CPNE1: variants seen among roughly 807,000 people sequenced by gnomAD.
CPNE1 encodes the protein copine-1.
CPNE1 carries 58 observed loss-of-function variants against 63.2 expected under a neutral mutation model. The ratio of observed to expected loss-of-function variants is 0.92; its 90% CI spans 0.74 to 1.14. The LOEUF (loss-of-function observed/expected upper bound fraction) is 1.14. CPNE1 is among the 50% of genes most tolerant of loss of function. CPNE1 has a pLI of 0.00. For missense variants in CPNE1, 672 were observed against 661.7 expected (o/e 1.02, Z -0.17); for synonymous variants, 237 against 249.0 (o/e 0.95, Z 0.45).
rs201000787 is a variant in CPNE1 at position 35,632,705 on chromosome 20, A to G, written c.130-9T>C. 2.4e-5 allele frequency: 22 copies of G among 927,898 alleles called. No homozygotes were observed. The Admixed American group carries it at 3.0e-4, about 13-fold the overall frequency. 57.5% of individuals were successfully genotyped at this position (927,898 alleles called of 1,614,324 possible). ...CGTTCAGTCCGGCCAAGCTGTGGGCAGAGGCCAGTAAGCATCACAGTCACA... is the reference window on the plus strand; with the variant it reads ...CGTTCAGTCCGGCCAAGCTGTGGGCGGAGGCCAGTAAGCATCACAGTCACA... On this transcript the variant is annotated splice_polypyrimidine_tract_variant and intron_variant, in intron 2 of 15. Transcript: ENST00000397443.
At position 35,664,764 on chromosome 20, in the gene CPNE1, G is replaced by A. The variant is rs1168315267; in HGVS notation, c.-5C>T. On this transcript the variant is annotated 5_prime_UTR_variant, in exon 1 of 16. Coordinates refer to ENST00000397443, the MANE Select transcript of CPNE1 (RefSeq NM_152925.3). ...CAGGGGCTGCGGGAGTCTTACCGGGGAAAGCTGCGCGGCACCAGAACCCAG... is the reference window on the plus strand; with the variant it reads ...CAGGGGCTGCGGGAGTCTTACCGGGAAAAGCTGCGCGGCACCAGAACCCAG... 6.6e-6 allele frequency: 1 copy of A among 152,358 alleles called. No homozygotes were observed. The highest frequency in any genetic ancestry group is 1.5e-5 in the Non-Finnish European group (1 of 68,130). The allele number at this position is 152,358 out of a possible 1,614,324, so 9.4% of individuals were successfully genotyped here. A position where few individuals can be genotyped will look rare whatever the true frequency, so the allele number is the denominator to read the frequency against.
At position 35,655,674 on chromosome 20, in the gene CPNE1, C is replaced by G. The variant is rs149894776; in HGVS notation, c.-1+9086G>C. Among the ~76,000 whole-genome samples the G allele has an allele frequency of 3.0e-3, 459 of 152,156 alleles. 2 individuals carry two copies. Among genetic ancestry groups the G allele is most frequent in the African/African-American group, 0.011 (440 of 41,476 alleles). Reference sequence around the variant, plus strand: ...ATTCAGTAAGATTTAAAAGAAATGTCTAAGTCAAATCAGGAAACAAAGTTT... The same window carrying G: ...ATTCAGTAAGATTTAAAAGAAATGTGTAAGTCAAATCAGGAAACAAAGTTT... On this transcript the variant is annotated intron_variant, in intron 1 of 15. Coordinates refer to ENST00000397443, the MANE Select transcript of CPNE1 (RefSeq NM_152925.3).
In CPNE1 at chr20:35,626,374, C is replaced by T. The variant is rs754189553; in HGVS notation, c.1481G>A (p.Arg494Gln). The change falls in exon 16 of 16, where the codon CGG (arginine) becomes CAG (glutamine). Residue 494 changes from arginine (R) to glutamine (Q), a missense_variant. By Grantham distance (43) the Arg-to-Gln change is conservative. Coordinates refer to ENST00000397443, the MANE Select transcript of CPNE1 (RefSeq NM_152925.3). Reference sequence around the variant, plus strand: ...GAGCACGGTCTGTGCCAATGCCTCCCGAGGGGCCTGCCAAGAAAAGGGAAA... The same window carrying T: ...GAGCACGGTCTGTGCCAATGCCTCCTGAGGGGCCTGCCAAGAAAAGGGAAA... ...VPYRRFQNAP[R>Q]EALAQTVLAE... The T allele has an allele frequency of 1.2e-5, 19 of 1,613,734 alleles. No homozygotes were observed. The highest frequency in any genetic ancestry group is 3.3e-5 in the South Asian group (3 of 91,066).
intron 1 of CPNE1, chr20:35,652,883 T>C: frequency 2.5e-6 from 4 of 1,613,404 alleles, no homozygotes; most frequent in Non-Finnish European, 3.4e-6. Context: ...CCAGGGGCAC[T>C]TCCAAGACCA....
intron 1 of CPNE1, chr20:35,653,929 C>T: frequency 6.2e-7 from 1 of 1,614,122 alleles, no homozygotes; most frequent in Non-Finnish European, 8.5e-7. Context: ...CCCATTGGGT[C>T]CATAAGCTAT....
intron 3 of CPNE1, 22 bp downstream of exon 3, chr20:35,632,495 C>A (rs2032220695): frequency 6.2e-7 from 1 of 1,612,624 alleles, no homozygotes; most frequent in Non-Finnish European, 8.5e-7. Context: ...TCTGAAGGAT[C>A]CTAATCCCCA....
chr20:35,631,756 G>A lies in CPNE1; in HGVS notation c.559C>T (p.Pro187Ser). The A allele has an allele frequency of 6.2e-7, 1 of 1,613,994 alleles. No individual in the cohort carries two copies. The highest frequency in any genetic ancestry group is 8.5e-7 in the Non-Finnish European group (1 of 1,179,988). The change falls in exon 7 of 16, where the codon CCT becomes TCT. Residue 187 changes from proline to serine, a missense_variant. Pro to Ser is a moderately conservative substitution (Grantham distance 74). Transcript: ENST00000397443. ...RSEVIKNNLN[P>S]TWKRFSVPVQ... ...GGGACTGAGAAACGCTTCCATGTAG[G>A]GTTCAGGTTGTTCTTGATGACCTGA...
In CPNE1 at chr20:35,627,270, C is replaced by T. The variant is rs771120968; in HGVS notation, c.1236+10G>A. ...TTGCCACCACTGCCACTGCCACCCA[C>T]GACTCTCACCGAGGCAGTCCCCTGA... On this transcript the variant is annotated intron_variant, in intron 14 of 15. Coordinates refer to ENST00000397443, the MANE Select transcript of CPNE1 (RefSeq NM_152925.3). The T allele has an allele frequency of 3.1e-5, 50 of 1,611,014 alleles. No individual in the cohort carries two copies. Among genetic ancestry groups the T allele is most frequent in the South Asian group, 2.8e-4 (25 of 90,830 alleles).
At position 35,626,854 on chromosome 20, in the gene CPNE1, T is replaced by A. The variant is rs749922880; in HGVS notation, c.1237-51A>T. 11 of 1,426,456 alleles carry A rather than the reference T, an allele frequency of 7.7e-6. No individual in the cohort carries two copies. The South Asian group carries it at 1.3e-4, about 16-fold the overall frequency. 88.4% of individuals were successfully genotyped at this position (1,426,456 alleles called of 1,614,324 possible). On this transcript the variant is annotated intron_variant, in intron 14 of 15. Transcript: ENST00000397443. Reference sequence around the variant, plus strand: ...GAAGCAGATCCTCCTCCTAAACCCCTGCAAACACCCCAGCCACACATCCCC... The same window carrying A: ...GAAGCAGATCCTCCTCCTAAACCCCAGCAAACACCCCAGCCACACATCCCC...
At chr20:35,658,802 A>AACACACACACACACAC (rs10542710) in intron 1 of CPNE1, 5 of 473,466 alleles carry the variant, frequency 1.1e-5, no homozygotes, top group African/African-American at 6.4e-5. Context: ...AGCAAACAAA[A>AACACACACACACACAC]ACACACACAC....
intron 1 of CPNE1, among the ~76,000 whole-genome samples, chr20:35,639,682 GGTT>G (rs1187257708): frequency 6.6e-6 from 1 of 152,188 alleles, no homozygotes; most frequent in Non-Finnish European, 1.5e-5. Context: ...CCTGGTAAGA[GGTT>G]GTTGTGAATG....
chr20:35,659,135 T>C (rs2034082697), intron 1 of CPNE1: 3 of 316,022 alleles, frequency 9.5e-6, no homozygotes, highest in African/African-American at 5.7e-5. Context: ...TTAGAATGCA[T>C]ATCAAAAAAA....
At position 35,626,577 on chromosome 20, in the gene CPNE1, C is replaced by T. The variant is rs759648669; in HGVS notation, c.1463G>A (p.Arg488Gln). ...RDIVQFVPYR[R>Q]FQNAPREALA... ...TTTGCACCTACTCACATTCTGGAAC[C>T]GGCGGTAGGGTACAAACTGCACAAT... Residue 488 changes from arginine (R) to glutamine (Q), a missense_variant, in exon 15 of 16, where the codon CGG (arginine) becomes CAG (glutamine). By Grantham distance (43) the Arg-to-Gln change is conservative (BLOSUM62 1). Transcript: ENST00000397443. 19 of 1,613,858 alleles carry T rather than the reference C, an allele frequency of 1.2e-5. 1 individual carries two copies. Among genetic ancestry groups the T allele is most frequent in the Middle Eastern group, 1.6e-4 (1 of 6,084 alleles).
chr20:35,664,129 G>A (rs1244267852), intron 1 of CPNE1, among the ~76,000 whole-genome samples: 2 of 151,958 alleles, frequency 1.3e-5, no homozygotes, highest in Admixed American at 1.3e-4. Flanking sequence ...ACACCCTCGA[G>A]TAAAGCCCCT....
At position 35,632,813 on chromosome 20, in the gene CPNE1, T is replaced by C. The variant is rs776636498; in HGVS notation, c.111A>G (p.Gly37=). 1.1e-6 allele frequency: 1 copy of C among 872,326 alleles called. No individual in the cohort carries two copies. Among genetic ancestry groups the C allele is most frequent in the South Asian group, 1.3e-5 (1 of 76,466 alleles). 54.0% of individuals were successfully genotyped at this position (872,326 alleles called of 1,614,324 possible). A position where few individuals can be genotyped will look rare whatever the true frequency, so the allele number is the denominator to read the frequency against. ...GCCTCACCTCAGCCCAGCTGCCCCC[T>C]CCCACATCCTGTAAAAGGACGCAGA... The part of the protein sequence containing the change: ...DPLCVLLQDV[G]GGSWAELGRT... Residue 37 remains glycine, a synonymous_variant, in exon 2 of 16, where the codon GGA becomes GGG. Transcript: ENST00000397443.
intron 1 of CPNE1, among the ~76,000 whole-genome samples, chr20:35,638,218 C>T (rs1252767791): frequency 6.6e-6 from 1 of 152,194 alleles, no homozygotes; most frequent in Non-Finnish European, 1.5e-5. Context: ...GCTCAAGTCA[C>T]ACTTCAGGCC....
Position 35,631,297 on chromosome 20 carries a change from A to G in CPNE1, c.772T>C (p.Ser258Pro). Residue 258 changes from serine to proline, a missense_variant, in exon 9 of 16, where the codon TCT (serine) becomes CCT (proline). Physicochemically the swap from Ser to Pro is moderately conservative, Grantham distance 74. Coordinates refer to ENST00000397443, the MANE Select transcript of CPNE1 (RefSeq NM_152925.3). Reference protein sequence around the residue: ...KQQKKKSYKNSGTIRVKICRV... With the variant: ...KQQKKKSYKNPGTIRVKICRV... ...CAAATCTTGACACGGATAGTTCCAG[A>G]GTTCTTGTAGCTTTTCTTTTTCTGC... 6.2e-7 allele frequency: 1 copy of G among 1,614,130 alleles called. No individual in the cohort carries two copies.
chr20:35,642,312 G>A (rs2032856757), intron 1 of CPNE1, among the ~76,000 whole-genome samples: 1 of 152,158 alleles, frequency 6.6e-6, no homozygotes, highest in Non-Finnish European at 1.5e-5. Context: ...TCCACCCCAG[G>A]TAATGACCAG....
At position 35,628,740 on chromosome 20, in the gene CPNE1, T is replaced by C. The variant is rs545309237; in HGVS notation, c.1103-1327A>G. Among the ~76,000 whole-genome samples the C allele has an allele frequency of 4.6e-5, 7 of 152,388 alleles. No individual in the cohort carries two copies. The South Asian group carries it at 1.2e-3, about 27-fold the overall frequency. On this transcript the variant is annotated intron_variant, in intron 13 of 15. Transcript: ENST00000397443. ...GCAATGTGTGATCTGAGATTTTCTT[T>C]TGCTGTAAAAGACATTAGGACAATT... is the stretch of plus-strand genomic sequence containing the variant.
Sources: allele counts gnomAD v4.1 joint callset (sites outside exome capture counted in the v4.1 genomes callset), GRCh38; gene constraint gnomAD v4.1.1; transcripts MANE v1.5; gene names NCBI Gene and HGNC (gene_info 2026-07-23, HGNC 2026-07-21).